KRT6C: variants seen among roughly 807,000 people sequenced by gnomAD.
KRT6C encodes the protein keratin 6C.
KRT6C carries 46 observed loss-of-function variants against 49.4 expected under a neutral mutation model. The observed-to-expected ratio is 0.93, with a 90% confidence interval of 0.74 to 1.19. The LOEUF (loss-of-function observed/expected upper bound fraction) is 1.19. Ranked by LOEUF, KRT6C falls within the 50% of genes most tolerant of loss-of-function variation. KRT6C has a pLI of 0.00. For synonymous variants in KRT6C, 236 were observed against 297.1 expected (o/e 0.79, Z 2.12); for missense variants, 552 against 737.5 (o/e 0.75, Z 2.91).
At position 52,471,737 on chromosome 12, in the gene KRT6C, A is replaced by G; in HGVS notation, c.756-5T>C. The G allele has an allele frequency of 6.2e-7, 1 of 1,613,860 alleles. No individual in the cohort carries two copies. Among genetic ancestry groups the G allele is most frequent in the Non-Finnish European group, 8.5e-7 (1 of 1,179,840 alleles). ...TTGTTGATTTCATCCTCATATCTACAGGAAGAAAGGCATAGGACACATATG... is the reference window on the plus strand; with the variant it reads ...TTGTTGATTTCATCCTCATATCTACGGGAAGAAAGGCATAGGACACATATG... On this transcript the variant is annotated splice_region_variant and splice_polypyrimidine_tract_variant and intron_variant, in intron 2 of 8. Coordinates refer to ENST00000252250, the MANE Select transcript of KRT6C (RefSeq NM_173086.5).
chr12:52,469,920 CT>C, intron 6 of KRT6C, 30 bp from the exon 7 acceptor site: 1 of 1,613,052 alleles, frequency 6.2e-7, no homozygotes, highest in Non-Finnish European at 8.5e-7. Context: ...GAAGGAACTT[CT>C]TGTCTGCTCC....
intron 6 of KRT6C, chr12:52,470,172 G>C (rs1400462449): frequency 1.7e-6 from 1 of 603,766 alleles, no homozygotes; most frequent in South Asian, 2.0e-5. Flanking sequence ...TGAATGCTCG[G>C]TTTGTACTGA....
intron 5 of KRT6C, 152 bp from the exon 6 acceptor site, chr12:52,470,782 T>C: frequency 6.6e-7 from 1 of 1,505,170 alleles, no homozygotes; most frequent in Non-Finnish European, 9.2e-7. Context: ...GGTGGGTGGA[T>C]ACTAAACTCT....
chr12:52,470,266 A>G, intron 6 of KRT6C: 1 of 644,422 alleles, frequency 1.6e-6, no homozygotes, highest in Non-Finnish European at 2.7e-6. Context: ...GACCATCTGT[A>G]GGGGAGGTGG....
In KRT6C at chr12:52,469,077, C is replaced by T. The variant is rs1299618018; in HGVS notation, c.1680G>A (p.Lys560=). ...KYTTTSSSSR[K]SYKH ...AGGCAGCACTTTAGTGCTTGTAGCT[C>T]TTCCTGCTGGAGGAGGAGGTGGTGG... The change falls in exon 9 of 9, where the codon AAG becomes AAA. Residue 560 remains lysine (K), a synonymous_variant. Transcript: ENST00000252250. The T allele has an allele frequency of 1.2e-5, 19 of 1,614,000 alleles. No homozygotes were observed. Among genetic ancestry groups the T allele is most frequent in the Admixed American group, 1.7e-5 (1 of 60,008 alleles).
At chr12:52,471,854 A>T in intron 2 of KRT6C, 122 bp from the exon 3 acceptor site, 1 of 1,406,846 alleles carries the variant, frequency 7.1e-7, no homozygotes, top group Non-Finnish European at 1.0e-6. Context: ...TGCCACAGAG[A>T]GCCAAAGAGA....
Position 52,471,238 on chromosome 12 carries a change from T to A in KRT6C, c.971A>T (p.Asn324Ile), listed in dbSNP as rs756293332. Reference protein sequence around the residue: ...SDTSVVLSMDNNRNLDLDSII... With the variant: ...SDTSVVLSMDINRNLDLDSII... ...GCTGTCCAGGTCCAGGTTGCGGTTG[T>A]TGTCCATGGATAGCACCACGGATGT... The change falls in exon 5 of 9, where the codon AAC becomes ATC. Residue 324 changes from asparagine (N) to isoleucine (I), a missense_variant. Coordinates refer to ENST00000252250, the MANE Select transcript of KRT6C (RefSeq NM_173086.5). The A allele has an allele frequency of 3.5e-5, 56 of 1,614,076 alleles. No homozygotes were observed. Among genetic ancestry groups the A allele is most frequent in the Non-Finnish European group, 4.4e-5 (52 of 1,180,030 alleles).
rs1937885192 is a variant in KRT6C, at chr12:52,471,597, C to T, written c.816+75G>A. On this transcript the variant is annotated intron_variant, in intron 3 of 8. Transcript: ENST00000252250. ...ATCTTCTAGTCCTCCTGCCAATTCT[C>T]TCCCAGGGGAGCGAGGACACAGAGC... The T allele has an allele frequency of 7.1e-6, 10 of 1,400,676 alleles. No homozygotes were observed. In the South Asian group the frequency reaches 9.2e-5, roughly 13 times the overall value. 86.8% of individuals were successfully genotyped at this position (1,400,676 alleles called of 1,614,324 possible).
chr12:52,471,613 G>A (rs1393610140), intron 3 of KRT6C, 59 bp downstream of exon 3: 3 of 1,554,962 alleles, frequency 1.9e-6, no homozygotes, highest in African/African-American at 1.4e-5. Flanking sequence ...GGGGAGCGAG[G>A]ACACAGAGCC....
Position 52,468,891 on chromosome 12 carries a change from G to T in KRT6C, c.*171C>A. 1 of 748,642 alleles carries T rather than the reference G, an allele frequency of 1.3e-6. No individual in the cohort carries two copies. Among genetic ancestry groups the T allele is most frequent in the Non-Finnish European group, 2.2e-6 (1 of 458,046 alleles). The allele number at this position is 748,642 out of a possible 1,614,324, so 46.4% of individuals were successfully genotyped here. ...TCTGATGGTGAGCAATGGGTGCTCA[G>T]ATGGGGCAGGTATAGACAGAGAGAA... On this transcript the variant is annotated 3_prime_UTR_variant, in exon 9 of 9. Transcript: ENST00000252250.
chr12:52,471,255 C>T lies in KRT6C; in HGVS notation c.954G>A (p.Val318=), dbSNP rs1220915043. 11 of 1,614,036 alleles carry T rather than the reference C, an allele frequency of 6.8e-6. No individual in the cohort carries two copies. Among genetic ancestry groups the T allele is most frequent in the Non-Finnish European group, 8.5e-6 (10 of 1,180,044 alleles). Residue 318 remains valine, a synonymous_variant, in exon 5 of 9, where the codon GTG becomes GTA. Coordinates refer to ENST00000252250, the MANE Select transcript of KRT6C (RefSeq NM_173086.5). The stretch of plus-strand genomic sequence containing the variant: ...TGCGGTTGTTGTCCATGGATAGCAC[C>T]ACGGATGTGTCTGAGATGTGGGTCT... ...QMQTHISDTS[V]VLSMDNNRNL...
At position 52,473,767 on chromosome 12, in the gene KRT6C, G is replaced by C. The variant is rs768283746; in HGVS notation, c.-30C>G. On this transcript the variant is annotated 5_prime_UTR_variant, in exon 1 of 9. Transcript: ENST00000252250. ...CCAGGAGATGAGAGGGCTGTGGCGA[G>C]CGTTGGAGGCTGGAGGCGAGAGGCA... 4.3e-6 allele frequency: 7 copies of C among 1,613,998 alleles called. No individual in the cohort carries two copies. In the African/African-American group the frequency reaches 9.3e-5, roughly 22 times the overall value.
Position 52,469,023 on chromosome 12 carries a change from G to A in KRT6C, c.*39C>T. 6.2e-7 allele frequency: 1 copy of A among 1,613,650 alleles called. No homozygotes were observed. The highest frequency in any genetic ancestry group is 1.7e-5 in the Admixed American group (1 of 60,020). ...GGAGACGGCTCTGCAGCCAGAGAAG[G>A]GCCTGAGGACTGTGGGACCGAGAGC... On this transcript the variant is annotated 3_prime_UTR_variant, in exon 9 of 9. Coordinates refer to ENST00000252250, the MANE Select transcript of KRT6C (RefSeq NM_173086.5).
chr12:52,468,748 T>C lies in KRT6C; in HGVS notation c.*314A>G, dbSNP rs757240646. The C allele has an allele frequency of 5.3e-6, 2 of 376,528 alleles. No individual in the cohort carries two copies. Among genetic ancestry groups the C allele is most frequent in the Non-Finnish European group, 9.7e-6 (2 of 207,114 alleles). 23.3% of individuals were successfully genotyped at this position (376,528 alleles called of 1,614,324 possible). On this transcript the variant is annotated 3_prime_UTR_variant, in exon 9 of 9. Transcript: ENST00000252250. ...TTTCAGTAATGAAAAGGAACAGAGA[T>C]CATTTTCTTATAATGCTCAGCCTCA...
chr12:52,469,944 T>A, intron 6 of KRT6C, 54 bp from the exon 7 acceptor site: 1 of 1,602,786 alleles, frequency 6.2e-7, no homozygotes, highest in Non-Finnish European at 8.5e-7. Context: ...CGGAGGAGGC[T>A]GGCCCTTGTT....
chr12:52,469,583 A>G (rs1937835305), intron 7 of KRT6C, 87 bp downstream of exon 7: 4 of 1,613,200 alleles, frequency 2.5e-6, no homozygotes, highest in Admixed American at 1.7e-5. Flanking sequence ...AATTACGGCC[A>G]TGAGCAGTGC....
chr12:52,473,007 C>A (rs1294067516), intron 1 of KRT6C, among the ~76,000 whole-genome samples, 191 bp downstream of exon 1: 1 of 150,416 alleles, frequency 6.6e-6, no homozygotes. Context: ...GAGTGAGGGC[C>A]ACTCCAGAGA....
intron 3 of KRT6C, 66 bp from the exon 4 acceptor site, chr12:52,471,582 C>G (rs571418704): frequency 5.4e-6 from 8 of 1,489,760 alleles, no homozygotes; most frequent in Non-Finnish European, 7.3e-6. Flanking sequence ...ATCTTCTAGT[C>G]CTCCTGCCAA....
intron 5 of KRT6C, 133 bp from the exon 6 acceptor site, chr12:52,470,763 A>T (rs1937863986): frequency 1.5e-5 from 23 of 1,582,388 alleles, no homozygotes; most frequent in Non-Finnish European, 1.8e-5. Flanking sequence ...GGAAAAGTTG[A>T]TGTTATGTGG....
Sources: gnomAD v4.1 joint callset for allele counts (sites outside exome capture counted in the v4.1 genomes callset) on GRCh38, gnomAD v4.1.1 for gene constraint, MANE v1.5 for transcripts, NCBI Gene and HGNC (gene_info 2026-07-23, HGNC 2026-07-21) for gene names.